The following PTPRM variants were observed in gnomAD, a reference collection of about 807,000 sequenced individuals.
PTPRM encodes the protein receptor-type tyrosine-protein phosphatase mu.
PTPRM carries 47 observed loss-of-function variants against 186.7 expected under a neutral mutation model. The observed-to-expected ratio is 0.25, with a 90% CI of 0.20 to 0.32. The LOEUF (loss-of-function observed/expected upper bound fraction) is 0.32, where lower values mean the gene tolerates loss of function less well. Among genes scored for constraint, PTPRM ranks in the 10% least tolerant of loss-of-function variants. The pLI, the probability that PTPRM is intolerant of heterozygous loss-of-function variation, is 1.00. For missense variants in PTPRM, 1,494 were observed against 1,865.0 expected (o/e 0.80, Z 3.66); for synonymous variants, 668 against 674.9 (o/e 0.99, Z 0.16).
Position 8,376,857 on chromosome 18 carries a change from A to C in PTPRM, c.3462+260A>C, listed in dbSNP as rs73939467. ...CACACTTTTCTGTATTAAGGGACCC[A>C]AAAAAGTCTCTGTTAAGTGCTCAGA... is the stretch of plus-strand genomic sequence containing the variant. On this transcript the variant is annotated intron_variant, in intron 26 of 32. Coordinates refer to ENST00000580170, the MANE Select transcript of PTPRM (RefSeq NM_001105244.2). 712 of 393,562 alleles carry C rather than the reference A, an allele frequency of 1.8e-3. 6 individuals carry two copies. Among genetic ancestry groups the C allele is most frequent in the African/African-American group, 0.013 (642 of 48,292 alleles). 24.4% of individuals were successfully genotyped at this position (393,562 alleles called of 1,614,324 possible).
intron 29 of PTPRM, among the ~76,000 whole-genome samples, chr18:8,381,756 CAGT>C (rs2095737864): frequency 6.6e-6 from 1 of 152,206 alleles, no homozygotes; most frequent in Non-Finnish European, 1.5e-5. Context: ...TTCTCACTTA[CAGT>C]GGCACGGCCG....
intron 1 of PTPRM, among the ~76,000 whole-genome samples, chr18:7,721,598 G>C (rs962505489): frequency 2.6e-5 from 4 of 152,048 alleles, no homozygotes; most frequent in African/African-American, 9.7e-5. Context: ...TTGGGTCTTT[G>C]ATACATTTTG....
chr18:7,709,100 G>A (rs534580921), intron 1 of PTPRM, among the ~76,000 whole-genome samples: 57 of 152,112 alleles, frequency 3.7e-4, no homozygotes, highest in African/African-American at 1.3e-3. Context: ...CTGGCTCTAG[G>A]TAGGTTTAAA....
intron 1 of PTPRM, among the ~76,000 whole-genome samples, chr18:7,702,344 C>T (rs918107681): frequency 7.9e-5 from 12 of 152,168 alleles, no homozygotes; most frequent in South Asian, 2.1e-4. Context: ...ACATCCTCTC[C>T]GGCATCTGTT....
At chr18:8,302,824 G>C (rs1453920593) in intron 20 of PTPRM, among the ~76,000 whole-genome samples, 3 of 151,934 alleles carry the variant, frequency 2.0e-5, no homozygotes, top group African/African-American at 2.4e-5. Flanking sequence ...TATTATCCAG[G>C]ATGGATAATA....
intron 22 of PTPRM, among the ~76,000 whole-genome samples, chr18:8,340,872 A>T (rs1402624557): frequency 1.3e-5 from 2 of 152,184 alleles, no homozygotes; most frequent in African/African-American, 4.8e-5. Context: ...CTGAGAATTT[A>T]AAAAAATCTC....
intron 26 of PTPRM, chr18:8,377,974 T>C (rs2095707319): frequency 3.8e-6 from 1 of 262,682 alleles, no homozygotes; most frequent in African/African-American, 2.2e-5. Context: ...TCATTCCTCA[T>C]GTGAAATACT....
intron 14 of PTPRM, among the ~76,000 whole-genome samples, chr18:8,160,907 A>C (rs1043184959): frequency 1.3e-5 from 2 of 152,214 alleles, no homozygotes; most frequent in Non-Finnish European, 2.9e-5. Flanking sequence ...AAGGCCGCTT[A>C]GTGTAAGTGC....
chr18:8,251,248 A>C (rs1209950196), intron 17 of PTPRM, among the ~76,000 whole-genome samples: 1 of 152,236 alleles, frequency 6.6e-6, no homozygotes, highest in Non-Finnish European at 1.5e-5. Flanking sequence ...TGGGAAGTTT[A>C]GAAGGTCAGC....
intron 7 of PTPRM, among the ~76,000 whole-genome samples, chr18:8,013,800 A>G (rs28449906): frequency 0.34 from 51,880 of 152,062 alleles, 9,770 homozygotes; most frequent in Non-Finnish European, 0.43. Context: ...GAGCTTGTCA[A>G]AGTTTTTCTG....
chr18:7,852,956 C>T (rs2046937386), intron 2 of PTPRM, among the ~76,000 whole-genome samples: 2 of 152,156 alleles, frequency 1.3e-5, no homozygotes, highest in South Asian at 2.1e-4. Flanking sequence ...AAAAAGTTGA[C>T]TTTAGGCAAG....
intron 1 of PTPRM, among the ~76,000 whole-genome samples, chr18:7,683,747 C>G (rs955856119): frequency 2.0e-5 from 3 of 152,178 alleles, no homozygotes; most frequent in Non-Finnish European, 4.4e-5. Flanking sequence ...CACTTATTAG[C>G]TCTCAGTTCT....
At chr18:7,715,392 C>T (rs994721711) in intron 1 of PTPRM, among the ~76,000 whole-genome samples, 3 of 152,098 alleles carry the variant, frequency 2.0e-5, no homozygotes, top group African/African-American at 7.2e-5. Context: ...AAACCCACAG[C>T]CAATATCATA....
intron 14 of PTPRM, among the ~76,000 whole-genome samples, chr18:8,232,695 G>A (rs953323434): frequency 6.6e-6 from 1 of 152,088 alleles, no homozygotes; most frequent in East Asian, 1.9e-4. Flanking sequence ...GGCAAGGCTG[G>A]TCTCAAACTC....
chr18:8,253,912 G>GT (rs541409591), intron 19 of PTPRM, among the ~76,000 whole-genome samples: 186 of 151,832 alleles, frequency 1.2e-3, no homozygotes, highest in African/African-American at 4.1e-3. Flanking sequence ...TCCCCATCCT[G>GT]TTTTTTTTCC....
At chr18:7,798,800 G>A (rs541987532) in intron 2 of PTPRM, among the ~76,000 whole-genome samples, 1 of 152,040 alleles carries the variant, frequency 6.6e-6, no homozygotes, top group South Asian at 2.1e-4. Context: ...CCCCAACACC[G>A]TAATTTAAAA....
intron 14 of PTPRM, among the ~76,000 whole-genome samples, chr18:8,187,413 A>G (rs2093657047): frequency 6.6e-6 from 1 of 152,184 alleles, no homozygotes; most frequent in South Asian, 2.1e-4. Context: ...AGAGCGGGCA[A>G]AGCCTGGTGG....
At chr18:8,385,903 G>A (rs1019626383) in intron 30 of PTPRM, among the ~76,000 whole-genome samples, 1 of 152,166 alleles carries the variant, frequency 6.6e-6, no homozygotes, top group African/African-American at 2.4e-5. Flanking sequence ...ATCATGGTGA[G>A]ACGGGAGAGA....
chr18:8,390,124 ATCT>A (rs950133795), intron 31 of PTPRM, among the ~76,000 whole-genome samples: 4 of 152,226 alleles, frequency 2.6e-5, no homozygotes, highest in Non-Finnish European at 4.4e-5. Flanking sequence ...AAAACAGCTA[ATCT>A]TCTAATTAGC....
Sources: gnomAD v4.1 joint callset for allele counts (sites outside exome capture counted in the v4.1 genomes callset) on GRCh38, gnomAD v4.1.1 for gene constraint, MANE v1.5 for transcripts, NCBI Gene and HGNC (gene_info 2026-07-23, HGNC 2026-07-21) for gene names.